ZNF680: variants seen among roughly 807,000 people sequenced by gnomAD.
ZNF680 encodes the protein hypothetical protein FLJ90430.
In ZNF680, 6 loss-of-function variants were observed where a neutral mutation model predicts 12.1. That is an observed-to-expected ratio of 0.49 (90% CI 0.27 to 0.98). The LOEUF is 0.98. Ranked by LOEUF, ZNF680 falls within the 50% of genes least tolerant of loss-of-function variation. The pLI is 0.12. For missense variants in ZNF680, 561 were observed against 616.3 expected (o/e 0.91, Z 0.95); for synonymous variants, 170 against 199.3 (o/e 0.85, Z 1.24).
intron 1 of ZNF680, among the ~76,000 whole-genome samples, chr7:64,551,169 A>C (rs752660929): frequency 6.6e-6 from 1 of 152,204 alleles, no homozygotes; most frequent in African/African-American, 2.4e-5. Flanking sequence ...TTTGTTATAT[A>C]TAATTACAAA....
chr7:64,529,330 A>G (rs1339380509), intron 3 of ZNF680, among the ~76,000 whole-genome samples: 1 of 152,242 alleles, frequency 6.6e-6, no homozygotes, highest in East Asian at 1.9e-4. Context: ...TTTTACCTGA[A>G]AAAGAATTCA....
At chr7:64,553,723 T>C (rs753097170) in intron 1 of ZNF680, among the ~76,000 whole-genome samples, 2 of 151,982 alleles carry the variant, frequency 1.3e-5, no homozygotes, top group Non-Finnish European at 2.9e-5. Flanking sequence ...GTGCCTGGGA[T>C]TGCAGGCGCG....
At chr7:64,510,720 C>G in the ZNF680 span, among the ~76,000 whole-genome samples, 1 of 119,310 alleles carries the variant, frequency 8.4e-6, no homozygotes, top group African/African-American at 3.3e-5. Context: ...ACCATCCCGG[C>G]TAAAATGGTG....
At chr7:64,530,799 A>G (rs996142762) in intron 3 of ZNF680, among the ~76,000 whole-genome samples, 4 of 151,870 alleles carry the variant, frequency 2.6e-5, no homozygotes, top group African/African-American at 9.7e-5. Context: ...CGGAGGTTGC[A>G]GTGAGCCAAG....
At chr7:64,545,120 C>T (rs1180403704) in intron 1 of ZNF680, among the ~76,000 whole-genome samples, 3 of 151,886 alleles carry the variant, frequency 2.0e-5, no homozygotes, top group African/African-American at 4.8e-5. Context: ...AAAAATTAGC[C>T]GGGCACAATG....
intron 3 of ZNF680, among the ~76,000 whole-genome samples, chr7:64,540,272 C>T (rs995356760): frequency 9.4e-5 from 14 of 149,680 alleles, no homozygotes; most frequent in African/African-American, 3.0e-4. Context: ...CATATACAAA[C>T]TGATTGTGAT....
the ZNF680 span, among the ~76,000 whole-genome samples, chr7:64,512,951 CA>C: frequency 1.3e-5 from 2 of 152,090 alleles, no homozygotes; most frequent in Non-Finnish European, 2.9e-5. Context: ...TAAATGTCTT[CA>C]AAATGTAAAT....
chr7:64,509,306 G>A, the ZNF680 span, among the ~76,000 whole-genome samples: 1 of 152,012 alleles, frequency 6.6e-6, no homozygotes, highest in Admixed American at 6.6e-5. Context: ...TCCCTTTTAT[G>A]TCTATCAGTA....
the ZNF680 span, among the ~76,000 whole-genome samples, chr7:64,505,996 G>C: frequency 5.3e-4 from 81 of 152,138 alleles, no homozygotes; most frequent in Middle Eastern, 3.4e-3. Context: ...GCCCAATCAG[G>C]ATAATCTCCC....
rs776820290 is a variant in ZNF680, at chr7:64,522,400, C to T, written c.354G>A (p.Glu118=). The change falls in exon 4 of 4, where the codon GAG becomes GAA. Residue 118 remains glutamate, a synonymous_variant. Transcript: ENST00000309683. ...TACAACTTATTCTTAATTGTAAATT[C>T]TCATGTCCACATTTTCCATATCCTC... is the stretch of plus-strand genomic sequence containing the variant. ...ILRGYGKCGH[E]NLQLRISCKS... 1.2e-6 allele frequency: 2 copies of T among 1,611,912 alleles called. No individual in the cohort carries two copies. The highest frequency in any genetic ancestry group is 4.5e-5 in the East Asian group (2 of 44,750).
intron 1 of ZNF680, among the ~76,000 whole-genome samples, chr7:64,557,623 C>T (rs1396300063): frequency 6.6e-6 from 1 of 152,066 alleles, no homozygotes; most frequent in Non-Finnish European, 1.5e-5. Flanking sequence ...TGCAATGGCT[C>T]ATGCCTGCAA....
intron 1 of ZNF680, among the ~76,000 whole-genome samples, chr7:64,556,227 T>C (rs1421392086): frequency 7.0e-6 from 1 of 143,560 alleles, no homozygotes; most frequent in Non-Finnish European, 1.5e-5. Flanking sequence ...ATGCTATTTC[T>C]ATCAAACTAC....
chr7:64,554,212 T>A (rs1415050514), intron 1 of ZNF680, among the ~76,000 whole-genome samples: 1 of 139,584 alleles, frequency 7.2e-6, no homozygotes, highest in African/African-American at 2.9e-5. Flanking sequence ...GTCTGAGATG[T>A]GAAGAGCGCC....
chr7:64,527,015 A>G (rs1033326221), intron 3 of ZNF680, among the ~76,000 whole-genome samples: 4 of 152,204 alleles, frequency 2.6e-5, no homozygotes. Context: ...AGGTGGGCCG[A>G]TCACCTGAGG....
the ZNF680 span, among the ~76,000 whole-genome samples, chr7:64,501,991 G>GTATT: frequency 7.8e-6 from 1 of 127,602 alleles, no homozygotes; most frequent in African/African-American, 3.2e-5. Context: ...TAAAAAGGAC[G>GTATT]TATTTCTTTT....
At chr7:64,515,251 A>G (rs1177096192), downstream of ZNF680, among the ~76,000 whole-genome samples, 1 of 151,732 alleles carries the variant, frequency 6.6e-6, no homozygotes, top group African/African-American at 2.4e-5. Flanking sequence ...TTGACTTACA[A>G]CAATATAGTT....
the ZNF680 span, among the ~76,000 whole-genome samples, chr7:64,512,211 A>G: frequency 5.3e-5 from 8 of 151,962 alleles, no homozygotes; most frequent in Non-Finnish European, 1.2e-4. Flanking sequence ...GCACTTTGGG[A>G]GGTCAAGGCA....
chr7:64,539,001 G>A (rs1323420171), intron 3 of ZNF680, among the ~76,000 whole-genome samples: 1 of 151,524 alleles, frequency 6.6e-6, no homozygotes, highest in Non-Finnish European at 1.5e-5. Context: ...TGTGGTGGTG[G>A]GTGCCTGTAA....
At chr7:64,525,707 C>T (rs1791802262) in intron 3 of ZNF680, 1 of 820,304 alleles carries the variant, frequency 1.2e-6, no homozygotes, top group Non-Finnish European at 1.5e-6. Context: ...AATAGACATA[C>T]CTAAAAGAGA....
Sources: gnomAD v4.1 joint callset for allele counts (sites outside exome capture counted in the v4.1 genomes callset) on GRCh38, gnomAD v4.1.1 for gene constraint, MANE v1.5 for transcripts, NCBI Gene and HGNC (gene_info 2026-07-23, HGNC 2026-07-21) for gene names.